Variants in KIDINS220 observed in about 807,000 individuals in gnomAD.
KIDINS220 encodes the protein kinase D interacting substrate 220, also known as kinase D-interacting substrate of 220 kDa.
Under a neutral mutation model 157.6 loss-of-function variants are expected in KIDINS220, and 63 were observed. That is an observed-to-expected ratio of 0.40 (90% CI 0.33 to 0.49). The LOEUF is 0.49. Ranked by LOEUF, KIDINS220 falls within the 20% of genes least tolerant of loss-of-function variation. The probability of loss-of-function intolerance (pLI) is 0.66; values close to 1 mark genes in which losing one functional copy is unlikely to be tolerated. For synonymous variants in KIDINS220, 732 were observed against 783.6 expected (o/e 0.93, Z 1.10); for missense variants, 1,772 against 2,171.2 (o/e 0.82, Z 3.65).
intron 26 of KIDINS220, among the ~76,000 whole-genome samples, chr2:8,742,832 A>G (rs1482329235): frequency 9.0e-6 from 1 of 111,718 alleles, no homozygotes; most frequent in Non-Finnish European, 2.3e-5. Flanking sequence ...CGCTGATCAC[A>G]CAAGCATCGG....
chr2:8,736,940 T>TA lies in KIDINS220; in HGVS notation c.3644dup (p.Cys1216MetfsTer2). 6.2e-7 allele frequency: 1 copy of TA among 1,614,198 alleles called. No homozygotes were observed. Among genetic ancestry groups the TA allele is most frequent in the Admixed American group, 1.7e-5 (1 of 60,030 alleles). ...CTTCTATTTGTTTCAGCTTCTCACA[T>TA]ACTGCATCCACATTCAGTGAATTCA... On this transcript the variant is annotated frameshift_variant, in exon 27 of 30. Transcript: ENST00000256707. LOFTEE classifies it high-confidence loss of function.
chr2:8,759,429 G>T (rs905599096), intron 22 of KIDINS220, among the ~76,000 whole-genome samples: 2 of 151,254 alleles, frequency 1.3e-5, no homozygotes, highest in Admixed American at 6.6e-5. Flanking sequence ...TATTTGGCCA[G>T]AACATCAGGG....
chr2:8,762,370 A>T (rs1485276572), intron 22 of KIDINS220, among the ~76,000 whole-genome samples: 1 of 152,204 alleles, frequency 6.6e-6, no homozygotes, highest in South Asian at 2.1e-4. Context: ...TCTTCATTCT[A>T]CGTTTGCATT....
chr2:8,735,960 G>A (rs1247753821), intron 27 of KIDINS220, among the ~76,000 whole-genome samples: 1 of 152,212 alleles, frequency 6.6e-6, no homozygotes, highest in Non-Finnish European at 1.5e-5. Context: ...ACACCAACCA[G>A]CTGCCTGAAG....
intron 1 of KIDINS220, among the ~76,000 whole-genome samples, chr2:8,829,439 G>C (rs1679296775): frequency 6.6e-6 from 1 of 151,940 alleles, no homozygotes; most frequent in African/African-American, 2.4e-5. Flanking sequence ...GCACTTCTAG[G>C]AATTATTCTA....
rs1053920949 is a variant in KIDINS220, at chr2:8,789,820, T to C, written c.1621+60A>G. On this transcript the variant is annotated intron_variant, in intron 14 of 29. Transcript: ENST00000256707. ...AGACAGATAAAGAAAATGTTTTTTC[T>C]TTATCTATGAATCTTAACGTTTTCT... The C allele has an allele frequency of 6.3e-6, 8 of 1,263,766 alleles. No individual in the cohort carries two copies. In the African/African-American group the frequency reaches 1.1e-4, roughly 17 times the overall value. The allele number at this position is 1,263,766 out of a possible 1,614,324, so 78.3% of individuals were successfully genotyped here. A position where few individuals can be genotyped will look rare whatever the true frequency, so the allele number is the denominator to read the frequency against.
intron 20 of KIDINS220, among the ~76,000 whole-genome samples, chr2:8,778,345 AAT>A (rs1173816826): frequency 1.3e-5 from 2 of 152,144 alleles, no homozygotes; most frequent in South Asian, 2.1e-4. Flanking sequence ...ACCAGGAATG[AAT>A]AGAGTGGTTC....
intron 12 of KIDINS220, among the ~76,000 whole-genome samples, chr2:8,793,395 C>G (rs1572683753): frequency 1.3e-5 from 2 of 152,120 alleles, no homozygotes; most frequent in African/African-American, 4.8e-5. Flanking sequence ...ACTCAGGAGG[C>G]TGAGGTGGGA....
chr2:8,796,134 G>A (rs1240246151), intron 11 of KIDINS220, among the ~76,000 whole-genome samples: 1 of 151,996 alleles, frequency 6.6e-6, no homozygotes, highest in Non-Finnish European at 1.5e-5. Flanking sequence ...AATTAGTAAA[G>A]CCCAAACCAT....
intron 22 of KIDINS220, among the ~76,000 whole-genome samples, chr2:8,768,368 T>C (rs1669748440): frequency 6.6e-6 from 1 of 152,194 alleles, no homozygotes. Flanking sequence ...GTCATCTTAA[T>C]GTTCCCGTGG....
chr2:8,833,475 T>G (rs1446841559), intron 1 of KIDINS220, among the ~76,000 whole-genome samples: 1 of 126,590 alleles, frequency 7.9e-6, no homozygotes, highest in Non-Finnish European at 1.6e-5. Context: ...TTTTTTAAAT[T>G]TGTCTTTTTT....
chr2:8,777,180 G>A (rs1276501400), intron 20 of KIDINS220, among the ~76,000 whole-genome samples: 2 of 152,178 alleles, frequency 1.3e-5, no homozygotes, highest in African/African-American at 2.4e-5. Flanking sequence ...TTATAAGTAG[G>A]CAGAATTGTG....
At chr2:8,756,078 TC>T (rs2148076818) in intron 22 of KIDINS220, among the ~76,000 whole-genome samples, 1 of 152,362 alleles carries the variant, frequency 6.6e-6, no homozygotes, top group South Asian at 2.1e-4. Context: ...AGTATTGACA[TC>T]CTAATATTTA....
chr2:8,786,382 ATTACT>A (rs755824316), intron 15 of KIDINS220, 25 bp from the exon 16 acceptor site: 17 of 1,568,308 alleles, frequency 1.1e-5, no homozygotes, highest in East Asian at 2.2e-5. Context: ...CAAATCAAAC[ATTACT>A]TTATTATCTA....
chr2:8,806,590 C>A (rs765758098), intron 6 of KIDINS220, among the ~76,000 whole-genome samples: 1 of 152,022 alleles, frequency 6.6e-6, no homozygotes, highest in Admixed American at 6.6e-5. Context: ...CCTTATTTAA[C>A]CTTTTCTTGA....
At chr2:8,776,323 T>A (rs986490155) in intron 21 of KIDINS220, among the ~76,000 whole-genome samples, 1 of 152,190 alleles carries the variant, frequency 6.6e-6, no homozygotes, top group African/African-American at 2.4e-5. Context: ...CAGAATTCCA[T>A]GCAGGGACTT....
intron 28 of KIDINS220, among the ~76,000 whole-genome samples, chr2:8,734,314 C>T (rs568629679): frequency 6.6e-6 from 1 of 152,118 alleles, no homozygotes; most frequent in East Asian, 1.9e-4. Context: ...CAATGCAAGC[C>T]CTATAAGGAT....
In KIDINS220 at chr2:8,734,635, C is replaced by G. The variant is rs1664618470; in HGVS notation, c.3816+20G>C. On this transcript the variant is annotated intron_variant, in intron 28 of 29. Coordinates refer to ENST00000256707, the MANE Select transcript of KIDINS220 (RefSeq NM_020738.4). ...TCATAAAATAATGTTGTAAACATCA[C>G]AATGTTACAAATATCTTACTGTGCT... 3.4e-6 allele frequency: 5 copies of G among 1,466,860 alleles called. No individual in the cohort carries two copies. In the South Asian group the frequency reaches 4.7e-5, roughly 14 times the overall value. 90.9% of individuals were successfully genotyped at this position (1,466,860 alleles called of 1,614,324 possible). A position where few individuals can be genotyped will look rare whatever the true frequency, so the allele number is the denominator to read the frequency against.
chr2:8,797,345 T>G (rs1348601056), intron 10 of KIDINS220, among the ~76,000 whole-genome samples: 4 of 152,186 alleles, frequency 2.6e-5, no homozygotes, highest in Non-Finnish European at 5.9e-5. Context: ...AAAGAGTTCA[T>G]GATTGCTTTC....
Sources: allele counts gnomAD v4.1 joint callset (sites outside exome capture counted in the v4.1 genomes callset), GRCh38; gene constraint gnomAD v4.1.1; transcripts MANE v1.5; gene names NCBI Gene and HGNC (gene_info 2026-07-23, HGNC 2026-07-21).